PKHD1: variants seen among roughly 807,000 people sequenced by gnomAD.
PKHD1 encodes fibrocystin.
In PKHD1, 291 loss-of-function variants were observed where a neutral mutation model predicts 412.0. The ratio of observed to expected loss-of-function variants is 0.71; its 90% CI spans 0.64 to 0.78. PKHD1 has a LOEUF of 0.78. PKHD1 is among the 30% of genes least tolerant of loss of function. The pLI, the probability that PKHD1 is intolerant of heterozygous loss-of-function variation, is 0.00. For missense variants in PKHD1, 4,825 were observed against 4,950.7 expected, an observed-to-expected ratio of 0.97 and a Z score of 0.76; for synonymous variants, 1,777 against 1,821.5, an observed-to-expected ratio of 0.98 and a Z score of 0.62.
At chr6:51,664,052 A>T (rs1003798804) in intron 60 of PKHD1, among the ~76,000 whole-genome samples, 2 of 152,206 alleles carry the variant, frequency 1.3e-5, no homozygotes, top group African/African-American at 4.8e-5. Context: ...AAAATAATAA[A>T]AAATGGCCTT....
chr6:51,795,439 G>A (rs1212414892), intron 52 of PKHD1, among the ~76,000 whole-genome samples: 2 of 152,148 alleles, frequency 1.3e-5, no homozygotes, highest in Non-Finnish European at 2.9e-5. Flanking sequence ...TGAAACAATA[G>A]GGTTTTCAAG....
chr6:52,043,500 C>A (rs1243876162), intron 26 of PKHD1, 125 bp downstream of exon 26: 9 of 740,632 alleles, frequency 1.2e-5, no homozygotes, highest in Non-Finnish European at 1.9e-5. Flanking sequence ...TCTGCTACGT[C>A]ACTCAACCTC....
chr6:51,687,243 T>C (rs1284817940), intron 60 of PKHD1, among the ~76,000 whole-genome samples: 1 of 151,970 alleles, frequency 6.6e-6, no homozygotes, highest in East Asian at 1.9e-4. Flanking sequence ...TCTATGAAGA[T>C]AGGGCACAGA....
At chr6:51,719,603 A>T (rs560097036) in intron 60 of PKHD1, among the ~76,000 whole-genome samples, 4 of 152,158 alleles carry the variant, frequency 2.6e-5, no homozygotes, top group Non-Finnish European at 5.9e-5. Context: ...ACTGACTTGG[A>T]GAGGTTTTAT....
At chr6:51,853,865 C>T (rs1326802711) in intron 49 of PKHD1, among the ~76,000 whole-genome samples, 1 of 152,130 alleles carries the variant, frequency 6.6e-6, no homozygotes, top group African/African-American at 2.4e-5. Flanking sequence ...TTAGAGCATG[C>T]TCCTTTCACT....
intron 35 of PKHD1, among the ~76,000 whole-genome samples, chr6:51,996,134 T>G (rs564943370): frequency 6.7e-5 from 10 of 149,830 alleles, no homozygotes; most frequent in Non-Finnish European, 1.2e-4. Flanking sequence ...GCCTCCCAAG[T>G]AGCTGGGACT....
intron 37 of PKHD1, among the ~76,000 whole-genome samples, chr6:51,930,060 C>T (rs779474530): frequency 1.2e-4 from 18 of 152,128 alleles, no homozygotes; most frequent in Non-Finnish European, 2.1e-4. Flanking sequence ...GCCGTAATTA[C>T]GTTGTCAAAA....
chr6:51,971,455 GCAACATGGA>G (rs1793653203), intron 35 of PKHD1, among the ~76,000 whole-genome samples: 1 of 152,134 alleles, frequency 6.6e-6, no homozygotes, highest in African/African-American at 2.4e-5. Flanking sequence ...CACAGGACAT[GCAACATGGA>G]ATTTTTCAAT....
intron 60 of PKHD1, among the ~76,000 whole-genome samples, chr6:51,722,706 C>T (rs1456292470): frequency 1.3e-5 from 2 of 152,100 alleles, no homozygotes; most frequent in Non-Finnish European, 2.9e-5. Flanking sequence ...TAAATCTTTC[C>T]TGCCCTCCAG....
intron 66 of PKHD1, among the ~76,000 whole-genome samples, chr6:51,623,650 C>T (rs1270725025): frequency 6.6e-6 from 1 of 152,086 alleles, no homozygotes; most frequent in Non-Finnish European, 1.5e-5. Flanking sequence ...GTGGCATGAT[C>T]TTGGCCCACT....
At chr6:51,934,788 C>T (rs943647107) in intron 36 of PKHD1, among the ~76,000 whole-genome samples, 3 of 152,166 alleles carry the variant, frequency 2.0e-5, no homozygotes, top group African/African-American at 7.2e-5. Flanking sequence ...GACCAGCATC[C>T]ATTATACTTT....
intron 53 of PKHD1, among the ~76,000 whole-genome samples, chr6:51,787,285 G>A (rs1273897529): frequency 6.6e-6 from 1 of 151,518 alleles, no homozygotes; most frequent in Non-Finnish European, 1.5e-5. Flanking sequence ...CTTAAAACTG[G>A]AAGGCAGAGG....
rs1158060698 is a variant in PKHD1 at position 51,618,223 on chromosome 6, C to T, written c.*858G>A. 6.6e-6 allele frequency: 1 copy of T among 152,220 alleles called. No homozygotes were observed. The highest frequency in any genetic ancestry group is 1.5e-5 in the Non-Finnish European group (1 of 68,136). The allele number at this position is 152,220 out of a possible 1,614,324, so 9.4% of individuals were successfully genotyped here. On this transcript the variant is annotated 3_prime_UTR_variant, in exon 67 of 67. Coordinates refer to ENST00000371117, the MANE Select transcript of PKHD1 (RefSeq NM_138694.4). ...GTATCACAGCTTTATGCATCATCTT[C>T]TCCAAAAAGCAGCTTTTTGATAAAG...
rs1772361433 is a variant in PKHD1 at position 51,659,017 on chromosome 6, C to T, written c.11109G>A (p.Glu3703=). ...CCCCGATAGTCATATTCAGAACATT[C>T]TCTAGTACCCCAGTCTGTTGAGCAG... ...VITAQQTGVL[E]NVLNMTIGAL... Residue 3703 remains glutamate, a synonymous_variant, in exon 61 of 67, where the codon GAG becomes GAA. Transcript: ENST00000371117. 1 of 1,613,232 alleles carries T rather than the reference C, an allele frequency of 6.2e-7. No individual in the cohort carries two copies. The highest frequency in any genetic ancestry group is 8.5e-7 in the Non-Finnish European group (1 of 1,179,324).
rs193073057 is a variant in PKHD1 at position 51,920,035 on chromosome 6, A to G, written c.6122-7459T>C. 6.8e-4 allele frequency among the ~76,000 whole-genome samples: 103 copies of G among 152,350 alleles called. 1 individual carries two copies. Among genetic ancestry groups the G allele is most frequent in the Non-Finnish European group, 6.5e-4 (44 of 68,044 alleles). ...CTTAAGGAGATTCTGGGCTGAGAGG[A>G]TTGGGTTTTCTAAATATACAATCAT... On this transcript the variant is annotated intron_variant, in intron 37 of 66. Coordinates refer to ENST00000371117, the MANE Select transcript of PKHD1 (RefSeq NM_138694.4).
At chr6:51,709,478 A>T (rs1015651289) in intron 60 of PKHD1, among the ~76,000 whole-genome samples, 1 of 152,172 alleles carries the variant, frequency 6.6e-6, no homozygotes, top group Non-Finnish European at 1.5e-5. Flanking sequence ...AAGTTAGGAT[A>T]CTCGGAAAAA....
Position 51,659,500 on chromosome 6 carries a change from G to A in PKHD1, c.10626C>T (p.Leu3542=), listed in dbSNP as rs756511422. ...CCTCTCCTTGTAGGACAACATACAA[G>A]AGGTTATCCATGATGTTGAAATAGT... ...GANYFNIMDN[L]LYVVLQGEEP... The change falls in exon 61 of 67, where the codon CTC becomes CTT. Residue 3542 remains leucine (L), a synonymous_variant. Transcript: ENST00000371117. The A allele has an allele frequency of 5.0e-6, 8 of 1,613,438 alleles. No homozygotes were observed. The highest frequency in any genetic ancestry group is 5.9e-6 in the Non-Finnish European group (7 of 1,179,730).
chr6:52,080,907 T>C (rs1485115542), intron 4 of PKHD1, among the ~76,000 whole-genome samples: 1 of 152,232 alleles, frequency 6.6e-6, no homozygotes, highest in Non-Finnish European at 1.5e-5. Context: ...TTCAAGTGGC[T>C]AAATAGAAAA....
At chr6:51,884,897 T>C (rs1777966234) in intron 45 of PKHD1, among the ~76,000 whole-genome samples, 1 of 152,198 alleles carries the variant, frequency 6.6e-6, no homozygotes, top group Admixed American at 6.5e-5. Context: ...GGAAGCATTT[T>C]ATAAAATTAA....
Sources: gnomAD v4.1 joint callset for allele counts (sites outside exome capture counted in the v4.1 genomes callset) on GRCh38, gnomAD v4.1.1 for gene constraint, MANE v1.5 for transcripts, NCBI Gene and HGNC (gene_info 2026-07-23, HGNC 2026-07-21) for gene names.